The following CPVL variants were observed in gnomAD, a reference collection of about 807,000 sequenced individuals.
The protein encoded by CPVL is carboxypeptidase vitellogenic like.
CPVL carries 51 observed loss-of-function variants against 63.7 expected under a neutral mutation model. That is an observed-to-expected ratio of 0.80 (90% CI 0.64 to 1.01). The LOEUF (loss-of-function observed/expected upper bound fraction) is 1.01. Among genes scored for constraint, CPVL ranks in the 50% least tolerant of loss-of-function variants. CPVL has a pLI of 0.00. For synonymous variants in CPVL, 195 were observed against 206.0 expected (o/e 0.95, Z 0.46); for missense variants, 530 against 573.1 (o/e 0.92, Z 0.77).
chr7:29,151,557 G>T (rs1372165982), intron 5 of CPVL, among the ~76,000 whole-genome samples: 2 of 152,152 alleles, frequency 1.3e-5, no homozygotes, highest in African/African-American at 4.8e-5. Flanking sequence ...AACTTTGTAA[G>T]GATTTTATGG....
chr7:29,104,965 C>T (rs1004903857), intron 3 of CPVL, among the ~76,000 whole-genome samples: 2 of 152,090 alleles, frequency 1.3e-5, no homozygotes, highest in South Asian at 2.1e-4. Context: ...CCTTAAGCTA[C>T]TTTCTTTTTA....
intron 11 of CPVL, among the ~76,000 whole-genome samples, chr7:29,035,606 C>T (rs1200727612): frequency 6.8e-6 from 1 of 148,110 alleles, no homozygotes; most frequent in Non-Finnish European, 1.5e-5. Flanking sequence ...TGTGAAATAC[C>T]AGCAGTGCCT....
intron 11 of CPVL, among the ~76,000 whole-genome samples, chr7:29,033,016 G>A (rs1788181121): frequency 6.6e-6 from 1 of 152,164 alleles, no homozygotes; most frequent in Non-Finnish European, 1.5e-5. Context: ...AAACAGCAAA[G>A]AGCTGAATTG....
intron 12 of CPVL, 62 bp downstream of exon 12, chr7:29,030,515 G>T: frequency 6.6e-7 from 1 of 1,508,616 alleles, no homozygotes; most frequent in Non-Finnish European, 9.0e-7. Context: ...TGCTATTCAG[G>T]CTTTATTTTC....
At chr7:29,144,112 A>G (rs549223832) in intron 1 of CPVL, among the ~76,000 whole-genome samples, 2 of 152,210 alleles carry the variant, frequency 1.3e-5, no homozygotes, top group African/African-American at 4.8e-5. Flanking sequence ...TTAATGAGTC[A>G]TTGTTCTAGA....
chr7:29,127,930 CTG>C (rs1790208772), intron 1 of CPVL: 1 of 152,036 alleles, frequency 6.6e-6, no homozygotes, highest in Non-Finnish European at 1.5e-5. Context: ...CTGAAGGTTT[CTG>C]TGTCACTGAA....
At chr7:29,150,692 G>A (rs1403707451), upstream of CPVL, among the ~76,000 whole-genome samples, 1 of 152,174 alleles carries the variant, frequency 6.6e-6, no homozygotes, top group Non-Finnish European at 1.5e-5. Context: ...AACCTTGTAG[G>A]CAATCATGCC....
At chr7:29,071,708 C>CGGGG in intron 9 of CPVL, 65 bp downstream of exon 9, 3 of 714,238 alleles carry the variant, frequency 4.2e-6, no homozygotes, top group East Asian at 3.2e-5. Context: ...TGTTCCTGCT[C>CGGGG]ACCCGCCCTC....
intron 12 of CPVL, among the ~76,000 whole-genome samples, chr7:29,021,474 G>C (rs1279303553): frequency 1.3e-5 from 2 of 151,464 alleles, no homozygotes; most frequent in Non-Finnish European, 3.0e-5. Flanking sequence ...CAGCAGGAAA[G>C]TGACTGGGAA....
intron 12 of CPVL, among the ~76,000 whole-genome samples, chr7:29,013,717 T>G (rs889730829): frequency 6.6e-6 from 1 of 152,186 alleles, no homozygotes; most frequent in Non-Finnish European, 1.5e-5. Context: ...CCACTGGACC[T>G]CTCTTCAAGG....
chr7:29,045,828 A>T (rs10486604), intron 11 of CPVL, among the ~76,000 whole-genome samples: 13,961 of 152,180 alleles, frequency 0.092, 1,930 homozygotes, highest in African/African-American at 0.3. Flanking sequence ...ATTTGCTGGA[A>T]TATTTACCTT....
chr7:29,112,949 T>C (rs1456470652), intron 2 of CPVL, 127 bp from the exon 3 acceptor site: 1 of 645,456 alleles, frequency 1.5e-6, no homozygotes. Flanking sequence ...GTATGACAGG[T>C]AGTTCCTTCA....
chr7:29,194,903 C>A, intron 1 of CPVL: 1 of 1,505,432 alleles, frequency 6.6e-7, no homozygotes. Context: ...GGCGTCCGCA[C>A]CGGGGCTGAG....
At chr7:29,104,384 T>C (rs1302516024) in intron 3 of CPVL, among the ~76,000 whole-genome samples, 1 of 152,146 alleles carries the variant, frequency 6.6e-6, no homozygotes, top group Non-Finnish European at 1.5e-5. Context: ...CCTCAGCCTC[T>C]GGAGTGGCTG....
chr7:29,121,950 A>C (rs1038390481), intron 1 of CPVL, among the ~76,000 whole-genome samples: 5 of 152,168 alleles, frequency 3.3e-5, no homozygotes, highest in African/African-American at 1.2e-4. Context: ...TAGGCCCCAA[A>C]CCATTAGCAC....
intron 1 of CPVL, among the ~76,000 whole-genome samples, chr7:29,142,595 C>T (rs184883264): frequency 1.5e-3 from 219 of 143,572 alleles, no homozygotes; most frequent in Non-Finnish European, 2.3e-3. Context: ...GGTGCAATCT[C>T]GGTTCACTGG....
At chr7:29,166,126 G>T (rs934717267) in intron 5 of CPVL, among the ~76,000 whole-genome samples, 2 of 152,002 alleles carry the variant, frequency 1.3e-5, no homozygotes, top group African/African-American at 4.8e-5. Context: ...GATTTCCTGG[G>T]CTCAAGTGAC....
chr7:29,016,343 T>C (rs1786409765), intron 12 of CPVL, among the ~76,000 whole-genome samples: 2 of 146,272 alleles, frequency 1.4e-5, no homozygotes, highest in South Asian at 4.3e-4. Context: ...AGAGTGAGAC[T>C]CCATATCAAA....
At chr7:29,077,740 G>C (rs62442649) in intron 7 of CPVL, among the ~76,000 whole-genome samples, 13 of 152,142 alleles carry the variant, frequency 8.5e-5, no homozygotes, top group Admixed American at 6.6e-4. Flanking sequence ...CTACAATAGA[G>C]CTGCCACCCA....
Sources: allele counts gnomAD v4.1 joint callset (sites outside exome capture counted in the v4.1 genomes callset), GRCh38; gene constraint gnomAD v4.1.1; transcripts MANE v1.5; gene names NCBI Gene and HGNC (gene_info 2026-07-23, HGNC 2026-07-21).